Variants in B3GALT1 observed in about 807,000 individuals in gnomAD.
B3GALT1 encodes beta-1,3-galactosyltransferase 1, also known as UDP-Gal:betaGlcNAc beta 1,3-galactosyltransferase, polypeptide 1.
B3GALT1 carries 10 observed loss-of-function variants against 23.2 expected under a neutral mutation model. The ratio of observed to expected loss-of-function variants is 0.43; its 90% CI spans 0.27 to 0.73. The LOEUF (loss-of-function observed/expected upper bound fraction) is 0.73. Among genes scored for constraint, B3GALT1 ranks in the 30% least tolerant of loss-of-function variants. B3GALT1 has a pLI of 0.21. For synonymous variants in B3GALT1, 156 were observed against 141.5 expected (o/e 1.10, Z -0.73); for missense variants, 299 against 405.4 (o/e 0.74, Z 2.25).
At chr2:167,299,958 A>C (rs1696419349) in intron 1 of B3GALT1, among the ~76,000 whole-genome samples, 1 of 152,000 alleles carries the variant, frequency 6.6e-6, no homozygotes, top group African/African-American at 2.4e-5. Flanking sequence ...GCTGGAGTGC[A>C]GTGGTGCCAT....
At chr2:167,297,061 G>C (rs192480954) in intron 1 of B3GALT1, among the ~76,000 whole-genome samples, 2 of 151,942 alleles carry the variant, frequency 1.3e-5, no homozygotes, top group Admixed American at 6.5e-5. Flanking sequence ...TAATATGTGA[G>C]GGTTAAAGGC....
intron 4 of B3GALT1, among the ~76,000 whole-genome samples, chr2:167,841,118 A>G (rs1403367067): frequency 6.6e-6 from 1 of 151,874 alleles, no homozygotes; most frequent in African/African-American, 2.4e-5. Flanking sequence ...TGGCACATGT[A>G]TACATATGTA....
Position 167,490,192 on chromosome 2 carries a change from T to C in B3GALT1, c.-495T>C, listed in dbSNP as rs142417380. 2.0e-5 allele frequency: 3 copies of C among 152,320 alleles called. No homozygotes were observed. In the East Asian group the frequency reaches 5.8e-4, roughly 29 times the overall value. 9.4% of individuals were successfully genotyped at this position (152,320 alleles called of 1,614,324 possible). On this transcript the variant is annotated 5_prime_UTR_variant, in exon 2 of 5. Coordinates refer to ENST00000392690, the MANE Select transcript of B3GALT1 (RefSeq NM_020981.4). ...TTCCTTTTAGACCCATTAGAAACGCTTCAAGAGCTGCTCAGTCCAGGAGTG... is the reference window on the plus strand; with the variant it reads ...TTCCTTTTAGACCCATTAGAAACGCCTCAAGAGCTGCTCAGTCCAGGAGTG...
chr2:167,358,959 G>A (rs1385862726), intron 1 of B3GALT1, among the ~76,000 whole-genome samples: 4 of 151,970 alleles, frequency 2.6e-5, no homozygotes, highest in African/African-American at 7.2e-5. Flanking sequence ...GCACCACCAC[G>A]CCTGGCTAAT....
At chr2:167,542,136 T>TA in intron 2 of B3GALT1, among the ~76,000 whole-genome samples, 1 of 127,828 alleles carries the variant, frequency 7.8e-6, no homozygotes, top group South Asian at 2.6e-4. Context: ...ATTTTATATA[T>TA]TTTTTTAAAT....
At chr2:167,590,582 C>T (rs889260492) in intron 2 of B3GALT1, among the ~76,000 whole-genome samples, 1 of 152,036 alleles carries the variant, frequency 6.6e-6, no homozygotes, top group Non-Finnish European at 1.5e-5. Flanking sequence ...TAAAAGCTTT[C>T]AAGAGAGTCT....
chr2:167,676,482 C>T (rs886094674), intron 3 of B3GALT1, among the ~76,000 whole-genome samples: 69 of 145,550 alleles, frequency 4.7e-4, no homozygotes, highest in African/African-American at 1.7e-3. Context: ...TATATATATA[C>T]ACACACACAC....
At chr2:167,597,111 G>GTTTTTT (rs1354123455) in intron 2 of B3GALT1, among the ~76,000 whole-genome samples, 2 of 135,574 alleles carry the variant, frequency 1.5e-5, no homozygotes, top group African/African-American at 2.9e-5. Flanking sequence ...TTTGTTTTTT[G>GTTTTTT]TTTTTGTTTT....
intron 4 of B3GALT1, among the ~76,000 whole-genome samples, chr2:167,850,591 C>T (rs778330897): frequency 8.5e-5 from 13 of 152,160 alleles, no homozygotes; most frequent in South Asian, 2.1e-4. Context: ...TACTTGCACA[C>T]GCATGTTCAT....
At chr2:167,409,206 G>A (rs1698355782) in intron 1 of B3GALT1, among the ~76,000 whole-genome samples, 1 of 152,032 alleles carries the variant, frequency 6.6e-6, no homozygotes, top group Non-Finnish European at 1.5e-5. Flanking sequence ...TTCAACCTTG[G>A]AGAATCTGAC....
intron 2 of B3GALT1, among the ~76,000 whole-genome samples, chr2:167,512,607 T>TGTATATATATATGTGTATATATATATAC (rs1700035609): frequency 1.2e-5 from 1 of 80,268 alleles, no homozygotes; most frequent in African/African-American, 6.2e-5. Context: ...TATATATATA[T>TGTATATATATATGTGTATATATATATAC]GTATATATAT....
intron 3 of B3GALT1, among the ~76,000 whole-genome samples, chr2:167,726,299 A>G (rs1363625132): frequency 1.3e-5 from 2 of 152,174 alleles, no homozygotes; most frequent in Non-Finnish European, 2.9e-5. Flanking sequence ...ACTGCAGGTT[A>G]ATATTTCCAG....
chr2:167,645,173 A>G (rs1685727646), intron 2 of B3GALT1, among the ~76,000 whole-genome samples: 1 of 152,164 alleles, frequency 6.6e-6, no homozygotes, highest in Non-Finnish European at 1.5e-5. Context: ...TCAGCCGTCC[A>G]CCATTGCTCA....
At chr2:167,632,995 G>A (rs533981104) in intron 2 of B3GALT1, among the ~76,000 whole-genome samples, 27 of 151,652 alleles carry the variant, frequency 1.8e-4, no homozygotes, top group Non-Finnish European at 3.2e-4. Context: ...GAAGGGGTCC[G>A]GTTTCAGTTT....
chr2:167,551,041 G>A (rs893084968), intron 2 of B3GALT1, among the ~76,000 whole-genome samples: 1 of 133,606 alleles, frequency 7.5e-6, no homozygotes, highest in Admixed American at 7.0e-5. Context: ...AGAAAAGATG[G>A]TGGTGATGTC....
intron 1 of B3GALT1, among the ~76,000 whole-genome samples, chr2:167,377,162 T>A (rs1005669696): frequency 6.6e-6 from 1 of 152,122 alleles, no homozygotes; most frequent in African/African-American, 2.4e-5. Flanking sequence ...TATCTTGGTA[T>A]TGATTTATAT....
chr2:167,344,382 A>AT (rs1241003649), intron 1 of B3GALT1, among the ~76,000 whole-genome samples: 43 of 152,118 alleles, frequency 2.8e-4, no homozygotes, highest in African/African-American at 9.9e-4. Context: ...TATTATGCTG[A>AT]TTTTTTATTT....
chr2:167,666,900 A>G (rs1686204803), intron 3 of B3GALT1, among the ~76,000 whole-genome samples: 1 of 152,156 alleles, frequency 6.6e-6, no homozygotes, highest in Non-Finnish European at 1.5e-5. Context: ...TTGACTCTTT[A>G]TCCAATTTGC....
intron 2 of B3GALT1, among the ~76,000 whole-genome samples, chr2:167,605,819 T>G (rs185900410): frequency 3.3e-5 from 5 of 152,354 alleles, no homozygotes; most frequent in Admixed American, 1.3e-4. Context: ...AAACATTATA[T>G]GCTCAGTTTG....
Sources: gnomAD v4.1 joint callset for allele counts (sites outside exome capture counted in the v4.1 genomes callset) on GRCh38, gnomAD v4.1.1 for gene constraint, MANE v1.5 for transcripts, NCBI Gene and HGNC (gene_info 2026-07-23, HGNC 2026-07-21) for gene names.